GABBR2: variants seen among roughly 807,000 people sequenced by gnomAD.
GABBR2 encodes the protein gamma-aminobutyric acid type B receptor subunit 2.
Under a neutral mutation model 105.6 loss-of-function variants are expected in GABBR2, and 23 were observed. The ratio of observed to expected loss-of-function variants is 0.22; its 90% CI spans 0.16 to 0.31. GABBR2 has a LOEUF of 0.31. Ranked by LOEUF, GABBR2 falls within the 10% of genes least tolerant of loss-of-function variation. The probability of loss-of-function intolerance (pLI) is 1.00; values close to 1 mark genes in which losing one functional copy is unlikely to be tolerated. For missense variants in GABBR2, 734 were observed against 1,245.5 expected, an observed-to-expected ratio of 0.59 and a Z score of 6.18; for synonymous variants, 478 against 499.7, an observed-to-expected ratio of 0.96 and a Z score of 0.58.
intron 7 of GABBR2, among the ~76,000 whole-genome samples, chr9:98,425,292 C>T (rs1210472303): frequency 3.3e-5 from 5 of 152,060 alleles, no homozygotes; most frequent in South Asian, 2.1e-4. Flanking sequence ...TTAACTGTCA[C>T]GAACTGATGA....
At chr9:98,639,045 A>C (rs1829921492) in intron 1 of GABBR2, among the ~76,000 whole-genome samples, 1 of 152,158 alleles carries the variant, frequency 6.6e-6, no homozygotes, top group Admixed American at 6.5e-5. Context: ...GCATCTCATT[A>C]TTGGGCCACA....
intron 7 of GABBR2, among the ~76,000 whole-genome samples, chr9:98,453,428 G>A (rs1157065718): frequency 6.6e-6 from 1 of 152,172 alleles, no homozygotes; most frequent in African/African-American, 2.4e-5. Flanking sequence ...TAGTCAATCT[G>A]CTTAAGAGAC....
intron 8 of GABBR2, among the ~76,000 whole-genome samples, chr9:98,395,175 C>T (rs1001661487): frequency 2.6e-5 from 4 of 152,042 alleles, no homozygotes; most frequent in Non-Finnish European, 4.4e-5. Context: ...TTCTTTTTTC[C>T]AGGTAAAATC....
At chr9:98,570,370 T>G (rs1828813146) in intron 2 of GABBR2, among the ~76,000 whole-genome samples, 1 of 152,240 alleles carries the variant, frequency 6.6e-6, no homozygotes, top group Admixed American at 6.5e-5. Flanking sequence ...GAGGAAATAG[T>G]GTTTGCGTTT....
At chr9:98,564,036 A>ATTCAGTAT (rs1828715838) in intron 2 of GABBR2, among the ~76,000 whole-genome samples, 1 of 131,422 alleles carries the variant, frequency 7.6e-6, no homozygotes, top group Non-Finnish European at 1.7e-5. Context: ...TATTTTTTAT[A>ATTCAGTAT]CACAAGTTAC....
rs531933748 is a variant in GABBR2 at position 98,365,602 on chromosome 9, T to C, written c.1771-2765A>G. On this transcript the variant is annotated intron_variant, in intron 12 of 18. Transcript: ENST00000259455. Reference sequence around the variant, plus strand: ...TTATGAATCACTTTTTATTTATTAATTGTAGAAATATTTATTGAGTGCCTA... The same window carrying C: ...TTATGAATCACTTTTTATTTATTAACTGTAGAAATATTTATTGAGTGCCTA... Among the ~76,000 whole-genome samples the C allele has an allele frequency of 3.9e-5, 6 of 152,372 alleles. No individual in the cohort carries two copies. In the South Asian group the frequency reaches 1.0e-3, roughly 26 times the overall value.
chr9:98,702,891 C>T (rs948241656), intron 1 of GABBR2, among the ~76,000 whole-genome samples: 1 of 152,202 alleles, frequency 6.6e-6, no homozygotes, highest in African/African-American at 2.4e-5. Context: ...GCATACCAAC[C>T]CTTAATGGCC....
At chr9:98,384,059 C>T (rs1181232713) in intron 11 of GABBR2, among the ~76,000 whole-genome samples, 1 of 151,516 alleles carries the variant, frequency 6.6e-6, no homozygotes, top group Non-Finnish European at 1.5e-5. Context: ...AAGAAAACAG[C>T]ACCAACAAAG....
intron 13 of GABBR2, among the ~76,000 whole-genome samples, chr9:98,357,163 G>A (rs568535932): frequency 2.6e-5 from 4 of 152,158 alleles, no homozygotes; most frequent in South Asian, 2.1e-4. Flanking sequence ...CTGTAGTGAC[G>A]AATAATGTAT....
intron 2 of GABBR2, among the ~76,000 whole-genome samples, chr9:98,572,018 C>T (rs1414760299): frequency 6.6e-6 from 1 of 152,236 alleles, no homozygotes; most frequent in Non-Finnish European, 1.5e-5. Context: ...TAGACCTTGA[C>T]CCTTCCCTGA....
intron 3 of GABBR2, among the ~76,000 whole-genome samples, chr9:98,525,510 A>C (rs1827940394): frequency 6.6e-6 from 1 of 152,216 alleles, no homozygotes; most frequent in Non-Finnish European, 1.5e-5. Context: ...GGAAAATAAC[A>C]AGTGTTTGCA....
At chr9:98,599,870 G>A (rs1327230094) in intron 1 of GABBR2, among the ~76,000 whole-genome samples, 1 of 152,222 alleles carries the variant, frequency 6.6e-6, no homozygotes, top group African/African-American at 2.4e-5. Flanking sequence ...GTACAAGGCA[G>A]TTTGAGGACT....
intron 2 of GABBR2, among the ~76,000 whole-genome samples, chr9:98,570,563 TC>T (rs1383784962): frequency 6.6e-6 from 1 of 152,182 alleles, no homozygotes; most frequent in African/African-American, 2.4e-5. Context: ...ATGCTCTGTC[TC>T]CATCTTCCCC....
chr9:98,554,787 A>C (rs1404940773), intron 2 of GABBR2, among the ~76,000 whole-genome samples: 2 of 152,176 alleles, frequency 1.3e-5, no homozygotes, highest in African/African-American at 4.8e-5. Context: ...ATTTGACGTA[A>C]AGAAGATTGG....
intron 4 of GABBR2, among the ~76,000 whole-genome samples, chr9:98,483,730 T>C (rs1751616401): frequency 1.3e-5 from 2 of 152,146 alleles, no homozygotes; most frequent in African/African-American, 2.4e-5. Context: ...CAGCTGCTAC[T>C]CACCCTTCCT....
intron 7 of GABBR2, 129 bp from the exon 8 acceptor site, chr9:98,406,270 C>A: frequency 1.8e-6 from 1 of 555,872 alleles, no homozygotes; most frequent in Non-Finnish European, 3.1e-6. Context: ...AAAACAGATT[C>A]CCGCTGGACC....
chr9:98,430,111 C>A (rs113482745), intron 7 of GABBR2, among the ~76,000 whole-genome samples: 1 of 151,916 alleles, frequency 6.6e-6, no homozygotes, highest in Admixed American at 6.6e-5. Flanking sequence ...ATGGTGAAAC[C>A]CTGTCTCTAC....
In GABBR2 at chr9:98,607,112, C is replaced by A. The variant is rs2131810308; in HGVS notation, c.322-29040G>T. 9 of 1,606,844 alleles carry A rather than the reference C, an allele frequency of 5.6e-6. No homozygotes were observed. The South Asian group carries it at 8.8e-5, about 16-fold the overall frequency. On this transcript the variant is annotated intron_variant, in intron 1 of 18. Coordinates refer to ENST00000259455, the MANE Select transcript of GABBR2 (RefSeq NM_005458.8). The stretch of plus-strand genomic sequence containing the variant: ...ATTCACGCTATGGTAGTGGGTGGAA[C>A]AATCCAAAGTTTTAATCAAAGAAGG...
In GABBR2 at chr9:98,349,349, GTTTTTTTTTTTTTTTT is replaced by G. The variant is rs1182072320; in HGVS notation, c.1893+13350_1893+13365del. Among the ~76,000 whole-genome samples the G allele has an allele frequency of 3.3e-4, 8 of 24,236 alleles. 1 individual carries two copies. In the South Asian group the frequency reaches 4.1e-3, roughly 13 times the overall value. The allele number at this position is 24,236 out of a possible 152,430, so 15.9% of individuals were successfully genotyped here. ...TTTGCCAATATTTTGTTGAAGTTTT[GTTTTTTTTTTTTTTTT>G]TTTTTTTTTTTTTTCGGGACAGAGT... On this transcript the variant is annotated intron_variant, in intron 13 of 18. Coordinates refer to ENST00000259455, the MANE Select transcript of GABBR2 (RefSeq NM_005458.8).
Sources: allele counts gnomAD v4.1 joint callset (sites outside exome capture counted in the v4.1 genomes callset), GRCh38; gene constraint gnomAD v4.1.1; transcripts MANE v1.5; gene names NCBI Gene and HGNC (gene_info 2026-07-23, HGNC 2026-07-21).